Variants in SCARA3 observed in about 807,000 individuals in gnomAD.
SCARA3 encodes cellular stress response gene protein.
Under a neutral mutation model 47.0 loss-of-function variants are expected in SCARA3, and 39 were observed. That is an observed-to-expected ratio of 0.83 (90% CI 0.64 to 1.08). SCARA3 has a LOEUF of 1.08. SCARA3 is among the 50% of genes least tolerant of loss of function. The pLI, the probability that SCARA3 is intolerant of heterozygous loss-of-function variation, is 0.00. For synonymous variants in SCARA3, 356 were observed against 334.1 expected, an observed-to-expected ratio of 1.07 and a Z score of -0.71; for missense variants, 724 against 792.3, an observed-to-expected ratio of 0.91 and a Z score of 1.04.
chr8:27,655,995 A>T (rs1801736118), intron 3 of SCARA3, among the ~76,000 whole-genome samples: 1 of 152,236 alleles, frequency 6.6e-6, no homozygotes, highest in African/African-American at 2.4e-5. Context: ...AATCGGCAAC[A>T]TCATGGCTTG....
At chr8:27,722,975 T>TG in the SCARA3 span, among the ~76,000 whole-genome samples, 1 of 152,218 alleles carries the variant, frequency 6.6e-6, no homozygotes, top group East Asian at 1.9e-4. Context: ...CTGGGCTCCC[T>TG]CTTCGGCAGC....
At chr8:27,685,691 G>A in the SCARA3 span, among the ~76,000 whole-genome samples, 638 of 152,214 alleles carry the variant, frequency 4.2e-3, 3 homozygotes, top group African/African-American at 0.015. Flanking sequence ...ACCTGCCCCC[G>A]TTATGATGCA....
intron 3 of SCARA3, 146 bp downstream of exon 3, chr8:27,651,773 C>T: frequency 8.6e-7 from 1 of 1,167,062 alleles, no homozygotes; most frequent in Non-Finnish European, 1.2e-6. Flanking sequence ...GATCTCTATG[C>T]CTAATGCAAA....
chr8:27,656,817 T>C lies in SCARA3; in HGVS notation c.262T>C (p.Ser88Pro), dbSNP rs758249328. Residue 88 changes from serine to proline, a missense_variant, in exon 4 of 6, where the codon TCC (serine) becomes CCC (proline). Physicochemically the swap from Ser to Pro is moderately conservative, Grantham distance 74. Transcript: ENST00000301904. ...RKVDSLSEDI[S>P]LTQSIYDKKL... ...AGTGGACTCTCTCTCCGAAGACATC[T>C]CCTTGACCCAGTCTATTTATGACAA... 1 of 1,613,346 alleles carries C rather than the reference T, an allele frequency of 6.2e-7. No homozygotes were observed. Among genetic ancestry groups the C allele is most frequent in the Non-Finnish European group, 8.5e-7 (1 of 1,179,242 alleles).
At chr8:27,680,813 T>C (rs1278587329), downstream of SCARA3, among the ~76,000 whole-genome samples, 2 of 152,198 alleles carry the variant, frequency 1.3e-5, no homozygotes, top group African/African-American at 4.8e-5. Flanking sequence ...AAGTGGGGCT[T>C]ACCACAAGAA....
the SCARA3 span, among the ~76,000 whole-genome samples, chr8:27,690,366 C>T: frequency 6.6e-6 from 1 of 152,196 alleles, no homozygotes; most frequent in African/African-American, 2.4e-5. Flanking sequence ...CACGTCTTCT[C>T]TCTCTCATTC....
chr8:27,729,000 G>C, the SCARA3 span, among the ~76,000 whole-genome samples: 1 of 152,170 alleles, frequency 6.6e-6, no homozygotes, highest in East Asian at 1.9e-4. Flanking sequence ...AGAAGGTTGA[G>C]GCTGCAGTGA....
Position 27,658,997 on chromosome 8 carries a change from T to C in SCARA3, c.827T>C (p.Val276Ala), listed in dbSNP as rs774015414. 9 of 1,613,080 alleles carry C rather than the reference T, an allele frequency of 5.6e-6. No homozygotes were observed. The highest frequency in any genetic ancestry group is 7.6e-6 in the Non-Finnish European group (9 of 1,179,758). The stretch of plus-strand genomic sequence containing the variant: ...ACCTCCACCAAGACTGGAGAGGCGG[T>C]CAAGAACATCCAGGCCACCCTGGGG... ...RTTSTKTGEA[V>A]KNIQATLGAS... Residue 276 changes from valine (V) to alanine (A), a missense_variant, in exon 5 of 6, where the codon GTC (valine) becomes GCC (alanine). Val to Ala is a moderately conservative substitution (Grantham distance 64). Transcript: ENST00000301904.
At chr8:27,636,899 G>T (rs1040878305) in intron 1 of SCARA3, among the ~76,000 whole-genome samples, 4 of 152,298 alleles carry the variant, frequency 2.6e-5, no homozygotes, top group Admixed American at 2.0e-4. Context: ...GGGGTGTAAA[G>T]AACCAGGATT....
At position 27,671,063 on chromosome 8, in the gene SCARA3, C is replaced by A; in HGVS notation, c.1533C>A (p.Gly511=). The A allele has an allele frequency of 6.2e-7, 1 of 1,612,128 alleles. No homozygotes were observed. Among genetic ancestry groups the A allele is most frequent in the South Asian group, 1.1e-5 (1 of 91,018 alleles). Residue 511 remains glycine, a synonymous_variant, in exon 6 of 6, where the codon GGC becomes GGA. Coordinates refer to ENST00000301904, the MANE Select transcript of SCARA3 (RefSeq NM_016240.3). The part of the protein sequence containing the change: ...PGEAGPVGER[G]PVGPRGFPGL... Reference sequence around the variant, plus strand: ...AGGCCGGGCCTGTGGGAGAAAGGGGCCCTGTTGGCCCTCGAGGGTTCCCAG... The same window carrying A: ...AGGCCGGGCCTGTGGGAGAAAGGGGACCTGTTGGCCCTCGAGGGTTCCCAG...
At chr8:27,695,480 A>G in the SCARA3 span, among the ~76,000 whole-genome samples, 1 of 152,222 alleles carries the variant, frequency 6.6e-6, no homozygotes, top group South Asian at 2.1e-4. Flanking sequence ...CTGACACACA[A>G]TAGCAAATAA....
At chr8:27,675,712 C>T (rs1802265341), downstream of SCARA3, among the ~76,000 whole-genome samples, 1 of 152,138 alleles carries the variant, frequency 6.6e-6, no homozygotes, top group South Asian at 2.1e-4. Context: ...GTTGCTTGAA[C>T]CTGGGAAGTG....
At chr8:27,700,443 C>T in the SCARA3 span, among the ~76,000 whole-genome samples, 1 of 151,922 alleles carries the variant, frequency 6.6e-6, no homozygotes, top group Non-Finnish European at 1.5e-5. Flanking sequence ...CCTGTCTCTA[C>T]TAAAAATACA....
At chr8:27,685,292 A>G in the SCARA3 span, among the ~76,000 whole-genome samples, 3 of 152,244 alleles carry the variant, frequency 2.0e-5, no homozygotes, top group Non-Finnish European at 4.4e-5. Context: ...ACCATTCAAG[A>G]AATTGAATCA....
At chr8:27,683,048 A>G in the SCARA3 span, among the ~76,000 whole-genome samples, 5 of 152,274 alleles carry the variant, frequency 3.3e-5, no homozygotes, top group East Asian at 7.7e-4. Context: ...CACAAAAAAC[A>G]AATGTCGATC....
the SCARA3 span, among the ~76,000 whole-genome samples, chr8:27,718,303 T>C: frequency 1.3e-5 from 2 of 152,254 alleles, no homozygotes; most frequent in Non-Finnish European, 2.9e-5. Flanking sequence ...GAGGATGTCT[T>C]TGAGGAAAGT....
At chr8:27,640,355 G>C (rs943812265) in intron 1 of SCARA3, among the ~76,000 whole-genome samples, 7 of 152,056 alleles carry the variant, frequency 4.6e-5, no homozygotes, top group African/African-American at 1.4e-4. Flanking sequence ...TTTTCATGTA[G>C]ATAAGATTAC....
intron 1 of SCARA3, among the ~76,000 whole-genome samples, chr8:27,640,833 A>T (rs111324319): frequency 6.6e-6 from 1 of 151,960 alleles, no homozygotes; most frequent in Non-Finnish European, 1.5e-5. Flanking sequence ...AGTAACTGGG[A>T]CTACAGATGC....
chr8:27,635,115 C>CTAGAAA (rs1801222606), intron 1 of SCARA3, among the ~76,000 whole-genome samples: 1 of 152,172 alleles, frequency 6.6e-6, no homozygotes, highest in Admixed American at 6.5e-5. Context: ...CTGAAAAGGG[C>CTAGAAA]CTTTGAGATC....
Sources: gnomAD v4.1 joint callset for allele counts (sites outside exome capture counted in the v4.1 genomes callset) on GRCh38, gnomAD v4.1.1 for gene constraint, MANE v1.5 for transcripts, NCBI Gene and HGNC (gene_info 2026-07-23, HGNC 2026-07-21) for gene names.